PPM1L: variants seen among roughly 807,000 people sequenced by gnomAD.
The protein encoded by PPM1L is protein phosphatase, Mg2+/Mn2+ dependent 1L.
PPM1L carries 13 observed loss-of-function variants against 31.4 expected under a neutral mutation model. That is an observed-to-expected ratio of 0.41 (90% CI 0.27 to 0.66). The LOEUF (loss-of-function observed/expected upper bound fraction) is 0.66, where lower values mean the gene tolerates loss of function less well. Among genes scored for constraint, PPM1L ranks in the 30% least tolerant of loss-of-function variants. The probability of loss-of-function intolerance (pLI) is 0.29; values close to 1 mark genes in which losing one functional copy is unlikely to be tolerated. For missense variants in PPM1L, 326 were observed against 453.7 expected (o/e 0.72, Z 2.56); for synonymous variants, 184 against 175.4 (o/e 1.05, Z -0.39).
chr3:160,864,777 C>T (rs369155597), intron 1 of PPM1L, among the ~76,000 whole-genome samples: 1 of 152,200 alleles, frequency 6.6e-6, no homozygotes, highest in Non-Finnish European at 1.5e-5. Context: ...GCCCAGTCCT[C>T]ATCTGGGTAT....
In PPM1L at chr3:161,067,606, T is replaced by C. The variant is rs530260484; in HGVS notation, c.737-1205T>C. On this transcript the variant is annotated intron_variant, in intron 3 of 3. Coordinates refer to ENST00000498165, the MANE Select transcript of PPM1L (RefSeq NM_139245.4). ...TTTACACATACACTTTCTCTTTGCC[T>C]GTCTTAAGAGGTTGATAATATTATT... Among the ~76,000 whole-genome samples, 64 of 152,368 alleles carry C rather than the reference T, an allele frequency of 4.2e-4. 1 individual carries two copies. The South Asian group carries it at 0.011, about 27-fold the overall frequency.
At position 160,764,530 on chromosome 3, in the gene PPM1L, G is replaced by A. The variant is rs367717507; in HGVS notation, c.399+7823G>A. Among the ~76,000 whole-genome samples, 15 of 148,592 alleles carry A rather than the reference G, an allele frequency of 1.0e-4. No individual in the cohort carries two copies. The East Asian group carries it at 2.6e-3, about 26-fold the overall frequency. The stretch of plus-strand genomic sequence containing the variant: ...GTCCCAGGCTGGAGTGCAATGGCAC[G>A]ATCTAGGCTCGCTGCAAACTCTGTC... On this transcript the variant is annotated intron_variant, in intron 1 of 3. Coordinates refer to ENST00000498165, the MANE Select transcript of PPM1L (RefSeq NM_139245.4).
At chr3:160,758,824 A>G (rs1333520404) in intron 1 of PPM1L, among the ~76,000 whole-genome samples, 5 of 152,210 alleles carry the variant, frequency 3.3e-5, no homozygotes, top group Non-Finnish European at 7.4e-5. Flanking sequence ...TAGCCAAACC[A>G]TGAAATACTT....
At chr3:160,794,611 C>T (rs1222134814) in intron 1 of PPM1L, among the ~76,000 whole-genome samples, 1 of 152,130 alleles carries the variant, frequency 6.6e-6, no homozygotes, top group Non-Finnish European at 1.5e-5. Flanking sequence ...TTGTAAAGCA[C>T]GAAGTTCTTA....
intron 2 of PPM1L, among the ~76,000 whole-genome samples, chr3:161,002,021 T>C (rs1443001672): frequency 1.5e-5 from 2 of 130,222 alleles, no homozygotes; most frequent in African/African-American, 5.8e-5. Context: ...CAGAGTGTGA[T>C]GTTCCCCTTC....
chr3:160,798,903 A>T (rs865783262), intron 1 of PPM1L, among the ~76,000 whole-genome samples: 33 of 152,242 alleles, frequency 2.2e-4, no homozygotes, highest in Middle Eastern at 6.3e-3. Flanking sequence ...TTTGTGATTC[A>T]TGGGAGGAGG....
intron 1 of PPM1L, among the ~76,000 whole-genome samples, chr3:160,815,928 A>G (rs1712981215): frequency 1.3e-5 from 2 of 152,150 alleles, no homozygotes; most frequent in South Asian, 4.1e-4. Context: ...AAGGATTGGT[A>G]TGTTTAAGTT....
At chr3:161,062,737 C>T (rs1719611269) in intron 2 of PPM1L, among the ~76,000 whole-genome samples, 4 of 152,148 alleles carry the variant, frequency 2.6e-5, no homozygotes, top group East Asian at 1.9e-4. Flanking sequence ...GCTGTTAACA[C>T]GTGGAAGCAG....
intron 1 of PPM1L, among the ~76,000 whole-genome samples, chr3:160,772,394 T>C (rs1715280799): frequency 6.6e-6 from 1 of 152,350 alleles, no homozygotes; most frequent in South Asian, 2.1e-4. Flanking sequence ...AAAAATAGGA[T>C]GGCAACAGGA....
At chr3:160,791,697 G>C (rs889197665) in intron 1 of PPM1L, among the ~76,000 whole-genome samples, 2 of 152,114 alleles carry the variant, frequency 1.3e-5, no homozygotes, top group Non-Finnish European at 2.9e-5. Flanking sequence ...ATAATGATTA[G>C]TAATGTGATA....
intron 1 of PPM1L, among the ~76,000 whole-genome samples, chr3:160,882,786 A>G (rs1237238849): frequency 6.6e-6 from 1 of 152,186 alleles, no homozygotes; most frequent in African/African-American, 2.4e-5. Context: ...ATGTTATTTT[A>G]CTTTATTTTA....
At chr3:160,790,823 G>A (rs1025583480) in intron 1 of PPM1L, among the ~76,000 whole-genome samples, 5 of 152,104 alleles carry the variant, frequency 3.3e-5, no homozygotes, top group Admixed American at 2.6e-4. Context: ...AGATTTATAT[G>A]TAGAACAATT....
chr3:160,820,646 G>A (rs1713166147), intron 1 of PPM1L, among the ~76,000 whole-genome samples: 1 of 151,974 alleles, frequency 6.6e-6, no homozygotes, highest in Non-Finnish European at 1.5e-5. Context: ...ATATTATACT[G>A]TATGTATTCC....
chr3:160,767,527 A>G (rs113029896), intron 1 of PPM1L, among the ~76,000 whole-genome samples: 2,521 of 152,104 alleles, frequency 0.017, 66 homozygotes, highest in African/African-American at 0.057. Flanking sequence ...GAGCCACTGC[A>G]CCCAGCCTGT....
chr3:160,968,648 A>C (rs2028988), intron 2 of PPM1L, among the ~76,000 whole-genome samples: 130,192 of 152,142 alleles, frequency 0.86, 55,880 homozygotes, highest in Middle Eastern at 0.92. Context: ...TTGTAATGCC[A>C]TGTGTTTGAG....
chr3:160,798,555 A>G (rs761578058), intron 1 of PPM1L, among the ~76,000 whole-genome samples: 58 of 152,216 alleles, frequency 3.8e-4, no homozygotes, highest in Non-Finnish European at 4.1e-4. Flanking sequence ...TGTTCACAGC[A>G]TGGTTTACTG....
rs571960165 is a variant in PPM1L, at chr3:160,761,740, G to A, written c.399+5033G>A. Among the ~76,000 whole-genome samples, 3 of 152,302 alleles carry A rather than the reference G, an allele frequency of 2.0e-5. No homozygotes were observed. In the South Asian group the frequency reaches 6.2e-4, roughly 32 times the overall value. ...GCTGGGAAATTTACAAAAGAAAGAGGTTTAATGGACTTATAGTTCCACGTG... is the reference window on the plus strand; with the variant it reads ...GCTGGGAAATTTACAAAAGAAAGAGATTTAATGGACTTATAGTTCCACGTG... On this transcript the variant is annotated intron_variant, in intron 1 of 3. Transcript: ENST00000498165.
intron 2 of PPM1L, among the ~76,000 whole-genome samples, chr3:161,023,578 A>G (rs1176617158): frequency 6.6e-6 from 1 of 152,086 alleles, no homozygotes; most frequent in Non-Finnish European, 1.5e-5. Context: ...CAGAATTTCT[A>G]TTTGGTAATT....
At chr3:160,960,163 A>G (rs1307485513) in intron 1 of PPM1L, among the ~76,000 whole-genome samples, 1 of 152,050 alleles carries the variant, frequency 6.6e-6, no homozygotes, top group Non-Finnish European at 1.5e-5. Flanking sequence ...ATATATATAT[A>G]TCAGTATGTA....
Sources: gnomAD v4.1 joint callset for allele counts (sites outside exome capture counted in the v4.1 genomes callset) on GRCh38, gnomAD v4.1.1 for gene constraint, MANE v1.5 for transcripts, NCBI Gene and HGNC (gene_info 2026-07-23, HGNC 2026-07-21) for gene names.